Variants in VPS35 observed in about 807,000 individuals in gnomAD.
VPS35 encodes the protein vacuolar protein sorting-associated protein 35.
Under a neutral mutation model 98.1 loss-of-function variants are expected in VPS35, and 21 were observed. The observed-to-expected ratio is 0.21, with a 90% confidence interval of 0.15 to 0.31. The LOEUF (loss-of-function observed/expected upper bound fraction) is 0.31, where lower values mean the gene tolerates loss of function less well. Among genes scored for constraint, VPS35 ranks in the 10% least tolerant of loss-of-function variants. The pLI is 1.00. For synonymous variants in VPS35, 268 were observed against 318.2 expected (o/e 0.84, Z 1.68); for missense variants, 554 against 950.8 (o/e 0.58, Z 5.49).
At chr16:46,686,866 AC>A (rs1159717191) in intron 1 of VPS35, among the ~76,000 whole-genome samples, 3 of 152,214 alleles carry the variant, frequency 2.0e-5, no homozygotes, top group Non-Finnish European at 4.4e-5. Flanking sequence ...TTAGCTTGAG[AC>A]CCACAAACAG....
At chr16:46,671,996 A>G in intron 11 of VPS35, 136 bp from the exon 12 acceptor site, 1 of 1,226,480 alleles carries the variant, frequency 8.2e-7, no homozygotes. Context: ...GAAAGTCGAT[A>G]CACATGTATG....
chr16:46,669,376 T>C (rs1224965054), intron 12 of VPS35, among the ~76,000 whole-genome samples: 11 of 152,116 alleles, frequency 7.2e-5, no homozygotes, highest in Admixed American at 7.2e-4. Context: ...ATAAAGAATG[T>C]AGGCTCTGGC....
rs569369937 is a variant in VPS35 at position 46,674,662 on chromosome 16, T to TA, written c.915-3dup. 0.07 allele frequency: 89,157 copies of TA among 1,272,790 alleles called. 20 individuals are homozygous for TA. The highest frequency in any genetic ancestry group is 0.096 in the South Asian group (7,069 of 73,384). 78.8% of individuals were successfully genotyped at this position (1,272,790 alleles called of 1,614,324 possible). A position where few individuals can be genotyped will look rare whatever the true frequency, so the allele number is the denominator to read the frequency against. On this transcript the variant is annotated splice_polypyrimidine_tract_variant and splice_region_variant and intron_variant, in intron 8 of 16. Coordinates refer to ENST00000299138, the MANE Select transcript of VPS35 (RefSeq NM_018206.6). ...TCACGGTGAGCAAATAAAGCTAATC[T>TA]AAAAAAAAAAAAAACACCCCTTTAT...
In VPS35 at chr16:46,662,358, G is replaced by A. The variant is rs1965926163; in HGVS notation, c.1952C>T (p.Thr651Ile). Residue 651 changes from threonine to isoleucine, a missense_variant, in exon 15 of 17, where the codon ACT becomes ATT. Transcript: ENST00000299138. ...TTTGGATGCAGCAAGGGCACACTGA[G>A]TCCTCAGAGGTTCGTGATTCTCTTC... ...FSEENHEPLR[T>I]QCALAASKLL... The A allele has an allele frequency of 6.2e-7, 1 of 1,614,222 alleles. No homozygotes were observed. The highest frequency in any genetic ancestry group is 2.2e-5 in the East Asian group (1 of 44,888).
chr16:46,683,481 C>A (rs777350300), intron 2 of VPS35, 27 bp downstream of exon 2: 10 of 1,602,388 alleles, frequency 6.2e-6, no homozygotes, highest in Admixed American at 1.7e-5. Flanking sequence ...CGAACTGCAA[C>A]TGTGCCTCCC....
rs778105954 is a variant in VPS35, at chr16:46,672,293, T to A, written c.1340A>T (p.Tyr447Phe). The A allele has an allele frequency of 6.2e-6, 10 of 1,613,816 alleles. No individual in the cohort carries two copies. In the Admixed American group the frequency reaches 1.5e-4, roughly 24 times the overall value. The change falls in exon 11 of 17, where the codon TAT (tyrosine) becomes TTT (phenylalanine). Residue 447 changes from tyrosine (Y) to phenylalanine (F), a missense_variant. Transcript: ENST00000299138. The part of the protein sequence containing the change: ...SCYVLSNVLD[Y>F]NTEIVSQDQV... ...GTCTTGAGAGACAATTTCTGTGTTA[T>A]AATCCAGAACATTACTAAGCACATA...
chr16:46,668,864 AACAC>A (rs905694841), intron 13 of VPS35, 62 bp downstream of exon 13: 37 of 1,588,064 alleles, frequency 2.3e-5, no homozygotes, highest in Non-Finnish European at 2.7e-5. Context: ...ATATAAAACA[AACAC>A]ACACACACTC....
intron 1 of VPS35, 53 bp from the exon 2 acceptor site, chr16:46,683,659 C>G: frequency 6.8e-7 from 1 of 1,477,988 alleles, no homozygotes; most frequent in East Asian, 2.3e-5. Context: ...CTAGCAAGTA[C>G]GTTATTTCTA....
At chr16:46,683,267 T>G (rs867612309) in intron 2 of VPS35, 23 of 562,410 alleles carry the variant, frequency 4.1e-5, no homozygotes, top group Middle Eastern at 9.7e-4. Context: ...TCTCTTATTC[T>G]TATGAGCTTG....
Position 46,680,656 on chromosome 16 carries a change from A to C in VPS35, c.506+15T>G. 1 of 1,612,752 alleles carries C rather than the reference A, an allele frequency of 6.2e-7. No homozygotes were observed. Among genetic ancestry groups the C allele is most frequent in the Non-Finnish European group, 8.5e-7 (1 of 1,179,142 alleles). ...AAGAAATATTGCAACAAAATTAAGA[A>C]AGAAAATCACTTACTCTGTTGGCTC... is the stretch of plus-strand genomic sequence containing the variant. On this transcript the variant is annotated intron_variant, in intron 5 of 16. Coordinates refer to ENST00000299138, the MANE Select transcript of VPS35 (RefSeq NM_018206.6).
rs755145722 is a variant in VPS35, at chr16:46,663,004, G to A, written c.1806C>T (p.Val602=). 2.5e-6 allele frequency: 4 copies of A among 1,614,058 alleles called. No individual in the cohort carries two copies. The highest frequency in any genetic ancestry group is 2.2e-5 in the East Asian group (1 of 44,886). The change falls in exon 14 of 17, where the codon GTC becomes GTT. Residue 602 remains valine (V), a synonymous_variant. Coordinates refer to ENST00000299138, the MANE Select transcript of VPS35 (RefSeq NM_018206.6). ...GEIGFENHET[V]AYEFMSQAFS... is the part of the protein sequence containing the mutation. ...TCACCTGGGACATGAATTCATATGC[G>A]ACTGTCTCATGATTTTCAAAACCAA... is the stretch of plus-strand genomic sequence containing the variant.
rs1427515337 is a variant in VPS35 at position 46,660,544 on chromosome 16, T to G, written c.2319A>C (p.Thr773=). Reference sequence around the variant, plus strand: ...CCCGCCGCAAGCGCAAATGCTCCAGTGTGTTATGAAAATGTTTGTTAATCT... The same window carrying G: ...CCCGCCGCAAGCGCAAATGCTCCAGGGTGTTATGAAAATGTTTGTTAATCT... The part of the protein sequence containing the change: ...TEQINKHFHN[T]LEHLRLRRES... Residue 773 remains threonine, a synonymous_variant, in exon 17 of 17, where the codon ACA becomes ACC. Transcript: ENST00000299138. The G allele has an allele frequency of 1.2e-6, 2 of 1,613,968 alleles. No homozygotes were observed. Among genetic ancestry groups the G allele is most frequent in the Non-Finnish European group, 1.7e-6 (2 of 1,180,022 alleles).
chr16:46,668,596 G>A (rs764161852), intron 13 of VPS35, among the ~76,000 whole-genome samples: 1 of 152,128 alleles, frequency 6.6e-6, no homozygotes, highest in Non-Finnish European at 1.5e-5. Context: ...TGCCTTTAGA[G>A]AGAAACGACT....
intron 4 of VPS35, among the ~76,000 whole-genome samples, 179 bp from the exon 5 acceptor site, chr16:46,681,032 TACACACACACACAC>T (rs3040555): frequency 3.5e-5 from 5 of 142,114 alleles, no homozygotes; most frequent in Non-Finnish European, 7.8e-5. Context: ...AAAAAAACTA[TACACACACACACAC>T]ACACACACAC....
rs1458711287 is a variant in VPS35 at position 46,677,241 on chromosome 16, A to G, written c.804+74T>C. 4.2e-6 allele frequency: 6 copies of G among 1,412,420 alleles called. No individual in the cohort carries two copies. The Admixed American group carries it at 5.2e-5, about 12-fold the overall frequency. 87.5% of individuals were successfully genotyped at this position (1,412,420 alleles called of 1,614,324 possible). A position where few individuals can be genotyped will look rare whatever the true frequency, so the allele number is the denominator to read the frequency against. On this transcript the variant is annotated intron_variant, in intron 7 of 16. Transcript: ENST00000299138. ...AAAGCTTATTTCCTATTCCATCAAAATTTTTTCAAAACAATTAAATTTAAT... is the reference window on the plus strand; with the variant it reads ...AAAGCTTATTTCCTATTCCATCAAAGTTTTTTCAAAACAATTAAATTTAAT...
chr16:46,677,236 T>A, intron 7 of VPS35, 79 bp downstream of exon 7: 1 of 1,328,260 alleles, frequency 7.5e-7, no homozygotes, highest in Non-Finnish European at 1.1e-6. Context: ...TCCTATTCCA[T>A]CAAAATTTTT....
rs185098674 is a variant in VPS35, at chr16:46,669,072, GAA to G, written c.1525-22_1525-21del. 6.2e-7 allele frequency: 1 copy of G among 1,610,898 alleles called. No individual in the cohort carries two copies. Among genetic ancestry groups the G allele is most frequent in the Non-Finnish European group, 8.5e-7 (1 of 1,178,302 alleles). On this transcript the variant is annotated intron_variant, in intron 12 of 16. Coordinates refer to ENST00000299138, the MANE Select transcript of VPS35 (RefSeq NM_018206.6). ...CAAAATCTGACCCAAAAGCATTAAA[GAA>G]AAAAAAATTTCCAAACTCTGATTAA... is the stretch of plus-strand genomic sequence containing the variant.
intron 6 of VPS35, among the ~76,000 whole-genome samples, chr16:46,678,305 TAAAAAAAAAAAAAAA>T (rs58288436): frequency 8.4e-6 from 1 of 119,398 alleles, no homozygotes; most frequent in Non-Finnish European, 1.8e-5. Flanking sequence ...TGATGAGCTT[TAAAAAAAAAAAAAAA>T]AAAAAAAAAA....
intron 6 of VPS35, among the ~76,000 whole-genome samples, chr16:46,678,522 T>C (rs1966185943): frequency 6.6e-6 from 1 of 152,156 alleles, no homozygotes; most frequent in Non-Finnish European, 1.5e-5. Context: ...GATTTGTGTG[T>C]CTATCCTTTT....
Sources: gnomAD v4.1 joint callset for allele counts (sites outside exome capture counted in the v4.1 genomes callset) on GRCh38, gnomAD v4.1.1 for gene constraint, MANE v1.5 for transcripts, NCBI Gene and HGNC (gene_info 2026-07-23, HGNC 2026-07-21) for gene names.